OR56A4: variants seen among roughly 807,000 people sequenced by gnomAD.
OR56A4 encodes olfactory receptor 56A4.
Under a neutral mutation model 13.6 loss-of-function variants are expected in OR56A4, and 9 were observed. The ratio of observed to expected loss-of-function variants is 0.66; its 90% CI spans 0.40 to 1.15. The LOEUF (loss-of-function observed/expected upper bound fraction) is 1.15. OR56A4 is among the 50% of genes most tolerant of loss of function. The pLI is 0.01. For synonymous variants in OR56A4, 167 were observed against 153.9 expected (o/e 1.08, Z -0.63); for missense variants, 380 against 375.9 (o/e 1.01, Z -0.09).
At chr11:6,005,789 A>G (rs1848253962) in intron 2 of OR56A4, among the ~76,000 whole-genome samples, 1 of 152,186 alleles carries the variant, frequency 6.6e-6, no homozygotes, top group African/African-American at 2.4e-5. Context: ...TCTCTTTTAT[A>G]CAGGTATCAG....
At position 6,001,110 on chromosome 11, in the gene OR56A4, T is replaced by A. The variant is rs1848210194; in HGVS notation, c.*941A>T. On this transcript the variant is annotated 3_prime_UTR_variant, in exon 3 of 3. Transcript: ENST00000641156. The stretch of plus-strand genomic sequence containing the variant: ...GAAATGCCAAAATAGTAGAATACAC[T>A]ATTCTGTGAAAAACAAACCTAGAAC... 6.6e-6 allele frequency: 1 copy of A among 152,204 alleles called. No homozygotes were observed. Among genetic ancestry groups the A allele is most frequent in the Non-Finnish European group, 1.5e-5 (1 of 68,052 alleles). The allele number at this position is 152,204 out of a possible 1,614,324, so 9.4% of individuals were successfully genotyped here.
intron 2 of OR56A4, among the ~76,000 whole-genome samples, chr11:6,005,166 C>T (rs965959673): frequency 1.1e-4 from 17 of 152,056 alleles, no homozygotes; most frequent in Admixed American, 8.5e-4. Flanking sequence ...ATAAATGATA[C>T]GTAACTTTAG....
rs768148185 is a variant in OR56A4, at chr11:6,002,952, TC to T, written c.40del (p.Glu14AsnfsTer36). 3.1e-6 allele frequency: 5 copies of T among 1,613,740 alleles called. No homozygotes were observed. Among genetic ancestry groups the T allele is most frequent in the Non-Finnish European group, 4.2e-6 (5 of 1,179,888 alleles). Reference protein sequence around the residue: ...PSNDSTAPVSEFLLICFPNFQ... With the variant: ...PSNDSTAPVSXFLLICFPNFQ... ...GTTGGGGAAGCAGATGAGGAGGAAT[TC>T]AGAGACTGGGGCAGTGGAGTCATTG... On this transcript the variant is annotated frameshift_variant, in exon 3 of 3. Coordinates refer to ENST00000641156, the MANE Select transcript of OR56A4 (RefSeq NM_001005179.4). LOFTEE classifies it high-confidence loss of function.
Position 6,002,300 on chromosome 11 carries a change from G to A in OR56A4, c.693C>T (p.Ile231=). 6.2e-7 allele frequency: 1 copy of A among 1,614,204 alleles called. No individual in the cohort carries two copies. The highest frequency in any genetic ancestry group is 8.5e-7 in the Non-Finnish European group (1 of 1,180,030). Residue 231 remains isoleucine (I), a synonymous_variant, in exon 3 of 3, where the codon ATC becomes ATT. Transcript: ENST00000641156. ...YSFILKVVLR[I]KAEGAVAKAL... is the part of the protein sequence containing the mutation. ...CCTTGGCCACAGCACCCTCGGCCTTGATCCTAAGCACAACTTTCAATATAA... is the reference window on the plus strand; with the variant it reads ...CCTTGGCCACAGCACCCTCGGCCTTAATCCTAAGCACAACTTTCAATATAA...
Position 6,002,246 on chromosome 11 carries a change from G to T in OR56A4, c.747C>A (p.Ile249=). 6.2e-7 allele frequency: 1 copy of T among 1,614,128 alleles called. No homozygotes were observed. Among genetic ancestry groups the T allele is most frequent in the Non-Finnish European group, 8.5e-7 (1 of 1,179,982 alleles). Residue 249 remains isoleucine (I), a synonymous_variant, in exon 3 of 3, where the codon ATC becomes ATA. Transcript: ENST00000641156. The part of the protein sequence containing the change: ...KALSTCGSHF[I]LILFFSTVLL... The stretch of plus-strand genomic sequence containing the variant: ...GGACTGTGCTGAAGAAGAGGATGAG[G>T]ATGAAGTGGGAACCACACGTGCTCA...
intron 2 of OR56A4, among the ~76,000 whole-genome samples, chr11:6,005,814 C>T (rs1452348852): frequency 1.3e-5 from 2 of 152,086 alleles, no homozygotes; most frequent in African/African-American, 4.8e-5. Context: ...AACCATAAGC[C>T]CTCATAATTT....
chr11:6,003,119 C>A (rs200091716), intron 2 of OR56A4, 91 bp from the exon 3 acceptor site: 117 of 1,582,044 alleles, frequency 7.4e-5, no homozygotes, highest in Middle Eastern at 6.8e-4. Flanking sequence ...GTATCTGTCC[C>A]AATAAAGTTT....
Position 6,002,404 on chromosome 11 carries a change from A to C in OR56A4, c.589T>G (p.Phe197Val). ...GCCACAAACTGGTAGAGCTGATTGA[A>C]AGTGATGTCATCACAAGAGAGTTTG... ...VSKLSCDDIT[F>V]NQLYQFVAGW... Residue 197 changes from phenylalanine to valine, a missense_variant, in exon 3 of 3, where the codon TTC (phenylalanine) becomes GTC (valine). Physicochemically the swap from Phe to Val is conservative, Grantham distance 50 (BLOSUM62 -1). Coordinates refer to ENST00000641156, the MANE Select transcript of OR56A4 (RefSeq NM_001005179.4). 4 of 1,614,252 alleles carry C rather than the reference A, an allele frequency of 2.5e-6. No homozygotes were observed. The highest frequency in any genetic ancestry group is 3.4e-6 in the Non-Finnish European group (4 of 1,180,034).
intron 2 of OR56A4, among the ~76,000 whole-genome samples, chr11:6,004,051 A>G (rs1848238470): frequency 6.6e-6 from 1 of 152,246 alleles, no homozygotes; most frequent in Non-Finnish European, 1.5e-5. Flanking sequence ...TGACTGTCAC[A>G]GTCAAAGAGG....
rs1848220584 is a variant in OR56A4 at position 6,002,360 on chromosome 11, G to A, written c.633C>T (p.Gly211=). The change falls in exon 3 of 3, where the codon GGC becomes GGT. Residue 211 remains glycine, a synonymous_variant. Transcript: ENST00000641156. ...YQFVAGWTLL[G]SDLILIVISY... ...AGATAACAATAAGGATAAGATCAGA[G>A]CCCAACAGAGTCCAGCCTGCCACAA... is the stretch of plus-strand genomic sequence containing the variant. 1 of 1,613,994 alleles carries A rather than the reference G, an allele frequency of 6.2e-7. No individual in the cohort carries two copies. Among genetic ancestry groups the A allele is most frequent in the African/African-American group, 1.3e-5 (1 of 74,942 alleles).
At position 6,000,604 on chromosome 11, in the gene OR56A4, A is replaced by C. The variant is rs1456544037; in HGVS notation, c.*1447T>G. The C allele has an allele frequency of 6.6e-6, 1 of 152,202 alleles. No homozygotes were observed. Among genetic ancestry groups the C allele is most frequent in the Non-Finnish European group, 1.5e-5 (1 of 68,046 alleles). The allele number at this position is 152,202 out of a possible 1,614,324, so 9.4% of individuals were successfully genotyped here. A position where few individuals can be genotyped will look rare whatever the true frequency, so the allele number is the denominator to read the frequency against. On this transcript the variant is annotated 3_prime_UTR_variant, in exon 3 of 3. Transcript: ENST00000641156. ...ATTGTGCACATGTACTCTAAAACTT[A>C]AAACATAATAAAAAAATAAAAAATA... is the stretch of plus-strand genomic sequence containing the variant.
chr11:6,001,324 T>C lies in OR56A4; in HGVS notation c.*727A>G, dbSNP rs1848211455. 6.6e-6 allele frequency: 1 copy of C among 152,234 alleles called. No individual in the cohort carries two copies. The highest frequency in any genetic ancestry group is 2.4e-5 in the African/African-American group (1 of 41,434). 9.4% of individuals were successfully genotyped at this position (152,234 alleles called of 1,614,324 possible). ...GATGAAGAAAAGAACATACAGCACT[T>C]CAAACAGTACAACTCCTCCCCAACC... On this transcript the variant is annotated 3_prime_UTR_variant, in exon 3 of 3. Transcript: ENST00000641156.
rs1483584688 is a variant in OR56A4 at position 6,003,036 on chromosome 11, C to T, written c.-36-8G>A. ...TCTGGAGACCCAGTGTACCTTAAAA[C>T]GTAGTAGAGAAGTACAGAAACATAA... On this transcript the variant is annotated splice_region_variant and splice_polypyrimidine_tract_variant and intron_variant, in intron 2 of 2. Coordinates refer to ENST00000641156, the MANE Select transcript of OR56A4 (RefSeq NM_001005179.4). 4 of 1,613,956 alleles carry T rather than the reference C, an allele frequency of 2.5e-6. No individual in the cohort carries two copies. Among genetic ancestry groups the T allele is most frequent in the Non-Finnish European group, 8.5e-7 (1 of 1,179,952 alleles).
At position 6,002,396 on chromosome 11, in the gene OR56A4, C is replaced by G. The variant is rs766848884; in HGVS notation, c.597G>C (p.Gln199His). Residue 199 changes from glutamine (Q) to histidine (H), a missense_variant, in exon 3 of 3, where the codon CAG becomes CAC. Coordinates refer to ENST00000641156, the MANE Select transcript of OR56A4 (RefSeq NM_001005179.4). ...KLSCDDITFN[Q>H]LYQFVAGWTL... ...TCCAGCCTGCCACAAACTGGTAGAGCTGATTGAAAGTGATGTCATCACAAG... is the reference window on the plus strand; with the variant it reads ...TCCAGCCTGCCACAAACTGGTAGAGGTGATTGAAAGTGATGTCATCACAAG... The G allele has an allele frequency of 4.3e-6, 7 of 1,614,198 alleles. No homozygotes were observed. In the East Asian group the frequency reaches 1.1e-4, roughly 26 times the overall value.
chr11:6,001,158 G>T lies in OR56A4; in HGVS notation c.*893C>A, dbSNP rs1848210603. On this transcript the variant is annotated 3_prime_UTR_variant, in exon 3 of 3. Transcript: ENST00000641156. Reference sequence around the variant, plus strand: ...AACTTTCATGTCTGGGAAACTGTTGGCAGCTTTGCCAGCCACAGCTCAGGA... The same window carrying T: ...AACTTTCATGTCTGGGAAACTGTTGTCAGCTTTGCCAGCCACAGCTCAGGA... The T allele has an allele frequency of 6.6e-6, 1 of 152,230 alleles. No homozygotes were observed. The highest frequency in any genetic ancestry group is 1.5e-5 in the Non-Finnish European group (1 of 68,060). 9.4% of individuals were successfully genotyped at this position (152,230 alleles called of 1,614,324 possible). A position where few individuals can be genotyped will look rare whatever the true frequency, so the allele number is the denominator to read the frequency against.
chr11:6,005,863 C>T (rs1326006950), intron 2 of OR56A4, among the ~76,000 whole-genome samples: 2 of 152,126 alleles, frequency 1.3e-5, no homozygotes. Flanking sequence ...ATACCATCAT[C>T]TTGGAGGTGG....
chr11:6,002,446 T>C lies in OR56A4; in HGVS notation c.547A>G (p.Ser183Gly). Residue 183 changes from serine to glycine, a missense_variant, in exon 3 of 3, where the codon AGT becomes GGT. Physicochemically the swap from Ser to Gly is moderately conservative, Grantham distance 56. Coordinates refer to ENST00000641156, the MANE Select transcript of OR56A4 (RefSeq NM_001005179.4). Reference sequence around the variant, plus strand: ...GAGAGTTTGGACACAGACAGGTTACTGCAGATGCAGTTCTTGATTATGTTT... The same window carrying C: ...GAGAGTTTGGACACAGACAGGTTACCGCAGATGCAGTTCTTGATTATGTTT... The part of the protein sequence containing the change: ...AGNIIKNCIC[S>G]NLSVSKLSCD... The C allele has an allele frequency of 2.5e-6, 4 of 1,614,274 alleles. No homozygotes were observed. The highest frequency in any genetic ancestry group is 3.4e-6 in the Non-Finnish European group (4 of 1,180,048).
In OR56A4 at chr11:6,002,801, G is replaced by T; in HGVS notation, c.192C>A (p.Tyr64Ter). Residue 64 changes from tyrosine to a stop codon, truncating the protein, a stop_gained, in exon 3 of 3, where the codon TAC becomes TAA. Transcript: ENST00000641156. LOFTEE classifies it high-confidence loss of function. ...LEASLHQPLY[Y>*]LLSLLSLLDI... ...CCAGCAGGGAGAGGAGGCTGAGCAG[G>T]TAGTACAGGGGCTGGTGCAGAGAGG... 6.2e-7 allele frequency: 1 copy of T among 1,613,808 alleles called. No homozygotes were observed. Among genetic ancestry groups the T allele is most frequent in the Non-Finnish European group, 8.5e-7 (1 of 1,179,918 alleles).
intron 1 of OR56A4, 57 bp downstream of exon 1, chr11:6,006,861 C>T (rs6578717): frequency 0.21 from 31,833 of 152,398 alleles, 3,656 homozygotes; most frequent in African/African-American, 0.3. Flanking sequence ...TGGATTCCCC[C>T]TCCACTCATC....
Sources: allele counts gnomAD v4.1 joint callset (sites outside exome capture counted in the v4.1 genomes callset), GRCh38; gene constraint gnomAD v4.1.1; transcripts MANE v1.5; gene names NCBI Gene and HGNC (gene_info 2026-07-23, HGNC 2026-07-21).